Variants in MAPRE1 observed in about 807,000 individuals in gnomAD.
MAPRE1 encodes the protein microtubule-associated protein RP/EB family member 1.
MAPRE1 carries 5 observed loss-of-function variants against 32.1 expected under a neutral mutation model. The ratio of observed to expected loss-of-function variants is 0.16; its 90% confidence interval spans 0.08 to 0.33. The LOEUF is 0.33. Among genes scored for constraint, MAPRE1 ranks in the 10% least tolerant of loss-of-function variants. MAPRE1 has a pLI of 1.00. For missense variants in MAPRE1, 209 were observed against 327.2 expected, an observed-to-expected ratio of 0.64 and a Z score of 2.79; for synonymous variants, 122 against 118.9, an observed-to-expected ratio of 1.03 and a Z score of -0.17.
intron 3 of MAPRE1, among the ~76,000 whole-genome samples, chr20:32,836,120 G>A (rs954003605): frequency 2.0e-5 from 3 of 151,698 alleles, no homozygotes; most frequent in Non-Finnish European, 4.4e-5. Flanking sequence ...CACCACACCT[G>A]CCTAATTTTT....
At chr20:32,820,722 G>A (rs545720477) in intron 1 of MAPRE1, among the ~76,000 whole-genome samples, 96 of 152,140 alleles carry the variant, frequency 6.3e-4, no homozygotes, top group Non-Finnish European at 1.2e-3. Context: ...TGAGCAGGAG[G>A]ACAGTATAAC....
intron 2 of MAPRE1, among the ~76,000 whole-genome samples, chr20:32,829,204 G>T (rs551783550): frequency 6.6e-6 from 1 of 152,232 alleles, no homozygotes; most frequent in African/African-American, 2.4e-5. Context: ...GAGCCACCGC[G>T]CCTGGGTGGT....
chr20:32,821,024 CTT>C (rs35886111), intron 1 of MAPRE1, among the ~76,000 whole-genome samples: 30 of 140,564 alleles, frequency 2.1e-4, no homozygotes, highest in Non-Finnish European at 2.3e-4. Context: ...TCTCTTCTTC[CTT>C]TTTTTTTTTT....
At chr20:32,832,456 A>G (rs982684432) in intron 2 of MAPRE1, among the ~76,000 whole-genome samples, 1 of 149,516 alleles carries the variant, frequency 6.7e-6, no homozygotes, top group Non-Finnish European at 1.5e-5. Context: ...ATAATTTATT[A>G]CAGTAGTCTC....
Position 32,836,678 on chromosome 20 carries a change from T to C in MAPRE1, c.312T>C (p.Asn104=), listed in dbSNP as rs766982774. The C allele has an allele frequency of 1.3e-5, 21 of 1,613,482 alleles. No homozygotes were observed. In the South Asian group the frequency reaches 2.3e-4, roughly 18 times the overall value. ...DKLVKGKFQD[N]FEFVQWFKKF... ...TAGTAAAAGGAAAGTTTCAGGACAATTTTGAATTCGTTCAGTGGTTCAAGA... is the reference window on the plus strand; with the variant it reads ...TAGTAAAAGGAAAGTTTCAGGACAACTTTGAATTCGTTCAGTGGTTCAAGA... Residue 104 remains asparagine (N), a synonymous_variant, in exon 4 of 7, where the codon AAT becomes AAC. Transcript: ENST00000375571.
At chr20:32,839,645 T>C in intron 4 of MAPRE1, 90 bp from the exon 5 acceptor site, 1 of 1,554,716 alleles carries the variant, frequency 6.4e-7, no homozygotes, top group South Asian at 1.2e-5. Flanking sequence ...GCAAGGCAGA[T>C]GGTCACAGCT....
chr20:32,824,234 C>T (rs1176453977), intron 1 of MAPRE1, among the ~76,000 whole-genome samples: 4 of 152,234 alleles, frequency 2.6e-5, no homozygotes, highest in African/African-American at 7.2e-5. Context: ...GCCTAGCACG[C>T]GGTAGAGCTA....
intron 1 of MAPRE1, among the ~76,000 whole-genome samples, chr20:32,825,309 A>G (rs1982812776): frequency 6.6e-6 from 1 of 152,170 alleles, no homozygotes; most frequent in South Asian, 2.1e-4. Flanking sequence ...GCACTTACTC[A>G]TCCCTTTATT....
chr20:32,827,633 G>C (rs934222253), intron 2 of MAPRE1, among the ~76,000 whole-genome samples: 1 of 151,814 alleles, frequency 6.6e-6, no homozygotes, highest in Admixed American at 6.6e-5. Context: ...GTGGTGGCTC[G>C]TGCCTGTAAT....
chr20:32,828,197 C>T (rs1018465464), intron 2 of MAPRE1, among the ~76,000 whole-genome samples: 1 of 152,138 alleles, frequency 6.6e-6, no homozygotes. Context: ...GTGTCCCCCC[C>T]ACCATTTTCT....
At chr20:32,824,841 T>C (rs779604503) in intron 1 of MAPRE1, among the ~76,000 whole-genome samples, 1 of 151,266 alleles carries the variant, frequency 6.6e-6, no homozygotes, top group African/African-American at 2.4e-5. Context: ...TAGTGAAAAC[T>C]ATAAATAGGA....
At chr20:32,822,778 A>G (rs182148927) in intron 1 of MAPRE1, among the ~76,000 whole-genome samples, 1 of 152,326 alleles carries the variant, frequency 6.6e-6, no homozygotes, top group East Asian at 1.9e-4. Context: ...AGCTGTTTGC[A>G]TCGAGTGGAT....
At chr20:32,832,913 C>T (rs1242159556) in intron 2 of MAPRE1, among the ~76,000 whole-genome samples, 1 of 145,028 alleles carries the variant, frequency 6.9e-6, no homozygotes, top group South Asian at 2.2e-4. Flanking sequence ...CACTGCACTC[C>T]AGCTTGGCAA....
intron 1 of MAPRE1, among the ~76,000 whole-genome samples, chr20:32,825,279 A>G (rs1225899340): frequency 3.3e-5 from 5 of 152,194 alleles, no homozygotes; most frequent in African/African-American, 9.7e-5. Flanking sequence ...TCGTTTATGC[A>G]TCTGCCTCCC....
intron 3 of MAPRE1, among the ~76,000 whole-genome samples, chr20:32,834,349 G>C (rs1051262822): frequency 3.2e-4 from 49 of 152,144 alleles, no homozygotes; most frequent in Non-Finnish European, 1.3e-4. Context: ...CTCCGTGGTG[G>C]GTGCTGGAAA....
chr20:32,842,358 T>C (rs1983389055), intron 5 of MAPRE1, among the ~76,000 whole-genome samples: 1 of 152,234 alleles, frequency 6.6e-6, no homozygotes, highest in Non-Finnish European at 1.5e-5. Flanking sequence ...GTGCTAGCAT[T>C]ACAGGCGTGA....
chr20:32,838,663 T>G (rs1601168476), intron 4 of MAPRE1, among the ~76,000 whole-genome samples: 1 of 152,180 alleles, frequency 6.6e-6, no homozygotes, highest in Non-Finnish European at 1.5e-5. Flanking sequence ...TTTTTATTCT[T>G]TACCTGTTTA....
chr20:32,840,322 C>G (rs1983326185), intron 5 of MAPRE1, among the ~76,000 whole-genome samples: 1 of 152,004 alleles, frequency 6.6e-6, no homozygotes, highest in African/African-American at 2.4e-5. Flanking sequence ...TTCGAAATGT[C>G]TTCTTCAGGA....
Position 32,835,364 on chromosome 20 carries a change from G to GTTTT in MAPRE1, c.268-1257_268-1254dup, listed in dbSNP as rs71190879. On this transcript the variant is annotated intron_variant, in intron 3 of 6. Coordinates refer to ENST00000375571, the MANE Select transcript of MAPRE1 (RefSeq NM_012325.3). ...TTTTTGTGTGTGTGTTTTTATTGGT[G>GTTTT]TTTTTTTTTTTTTTTTGAGATGAGG... Among the ~76,000 whole-genome samples the GTTTT allele has an allele frequency of 5.7e-4, 61 of 106,628 alleles. 3 individuals are homozygous for GTTTT. Among genetic ancestry groups the GTTTT allele is most frequent in the Middle Eastern group, 5.0e-3 (1 of 202 alleles). 70.0% of individuals were successfully genotyped at this position (106,628 alleles called of 152,430 possible).
Sources: gnomAD v4.1 joint callset for allele counts (sites outside exome capture counted in the v4.1 genomes callset) on GRCh38, gnomAD v4.1.1 for gene constraint, MANE v1.5 for transcripts, NCBI Gene and HGNC (gene_info 2026-07-23, HGNC 2026-07-21) for gene names.